EXT1: variants seen among roughly 807,000 people sequenced by gnomAD.
EXT1 encodes the protein exostosin-1.
A neutral mutation model predicts 82.5 loss-of-function variants in EXT1; 20 were observed. The ratio of observed to expected loss-of-function variants is 0.24; its 90% confidence interval spans 0.17 to 0.35. The LOEUF is 0.35. EXT1 is among the 10% of genes least tolerant of loss of function. The pLI is 1.00. For synonymous variants in EXT1, 348 were observed against 350.8 expected (o/e 0.99, Z 0.09); for missense variants, 757 against 936.5 (o/e 0.81, Z 2.50).
intron 4 of EXT1, among the ~76,000 whole-genome samples, chr8:117,826,603 A>C (rs939921900): frequency 6.6e-6 from 1 of 152,048 alleles, no homozygotes; most frequent in Non-Finnish European, 1.5e-5. Flanking sequence ...ATTTCCCCTG[A>C]TTTTTTGATT....
Position 117,797,990 on chromosome 8 carries a change from G to C in EXT1, c.*1722C>G, listed in dbSNP as rs1586986279. On this transcript the variant is annotated 3_prime_UTR_variant, in exon 11 of 11. Transcript: ENST00000378204. ...CTACTCCTTGTTCTGCAGCTAGGTA[G>C]CCTGTTGAGTCACTTCTCTGGACTT... The C allele has an allele frequency of 6.6e-6, 1 of 152,228 alleles. No homozygotes were observed. Among genetic ancestry groups the C allele is most frequent in the Non-Finnish European group, 1.5e-5 (1 of 68,070 alleles). 9.4% of individuals were successfully genotyped at this position (152,228 alleles called of 1,614,324 possible).
chr8:118,005,333 A>G (rs1268939967), intron 1 of EXT1, among the ~76,000 whole-genome samples: 1 of 152,172 alleles, frequency 6.6e-6, no homozygotes, highest in African/African-American at 2.4e-5. Context: ...CTAGGTTCCC[A>G]CCAGTTTCTT....
At chr8:117,839,564 G>A (rs982308332) in intron 1 of EXT1, among the ~76,000 whole-genome samples, 15 of 152,312 alleles carry the variant, frequency 9.8e-5, no homozygotes, top group African/African-American at 3.4e-4. Flanking sequence ...TTAGAACAAT[G>A]ATTTTCATTC....
chr8:117,935,803 A>G (rs1814148997), intron 1 of EXT1, among the ~76,000 whole-genome samples: 1 of 152,128 alleles, frequency 6.6e-6, no homozygotes, highest in Non-Finnish European at 1.5e-5. Flanking sequence ...ACAGACAATC[A>G]CAGGTACAGA....
intron 1 of EXT1, among the ~76,000 whole-genome samples, chr8:117,877,944 T>C (rs947896224): frequency 2.6e-5 from 4 of 152,250 alleles, no homozygotes; most frequent in Non-Finnish European, 4.4e-5. Flanking sequence ...CTATGCCCCT[T>C]GGTGATTTCA....
intron 1 of EXT1, among the ~76,000 whole-genome samples, chr8:117,940,719 T>C (rs923976267): frequency 6.6e-6 from 1 of 152,220 alleles, no homozygotes; most frequent in African/African-American, 2.4e-5. Flanking sequence ...TGAGAATTTC[T>C]GGTCTGGGAA....
At chr8:117,931,113 G>A (rs1814053013) in intron 1 of EXT1, among the ~76,000 whole-genome samples, 1 of 152,146 alleles carries the variant, frequency 6.6e-6, no homozygotes, top group African/African-American at 2.4e-5. Context: ...ACATAATCAA[G>A]AAATAACCAT....
chr8:117,847,531 G>A (rs1283724748), intron 1 of EXT1, among the ~76,000 whole-genome samples: 2 of 152,068 alleles, frequency 1.3e-5, no homozygotes, highest in African/African-American at 4.8e-5. Flanking sequence ...TGCACAGTGC[G>A]GTTCAAACTG....
intron 1 of EXT1, among the ~76,000 whole-genome samples, chr8:117,964,697 G>A (rs1467552784): frequency 1.3e-5 from 2 of 152,038 alleles, no homozygotes; most frequent in African/African-American, 4.8e-5. Flanking sequence ...GAGTGTAGTG[G>A]CATGATCTCA....
chr8:117,981,269 G>A (rs901280905), intron 1 of EXT1, among the ~76,000 whole-genome samples: 3 of 152,152 alleles, frequency 2.0e-5, no homozygotes, highest in African/African-American at 7.2e-5. Flanking sequence ...AATTCAGAAA[G>A]TACAGTAATT....
chr8:117,930,571 T>C (rs1404164126), intron 1 of EXT1, among the ~76,000 whole-genome samples: 1 of 152,184 alleles, frequency 6.6e-6, no homozygotes, highest in African/African-American at 2.4e-5. Flanking sequence ...GAAGAGAGTG[T>C]GATGGTGAAG....
intron 1 of EXT1, among the ~76,000 whole-genome samples, chr8:117,993,324 G>C (rs990958566): frequency 6.6e-6 from 1 of 152,184 alleles, no homozygotes. Context: ...GGAAACACTA[G>C]CATTTCTCCA....
chr8:117,817,941 G>A (rs1486677488), intron 7 of EXT1, among the ~76,000 whole-genome samples: 1 of 152,158 alleles, frequency 6.6e-6, no homozygotes, highest in Non-Finnish European at 1.5e-5. Context: ...AATCTTTACA[G>A]GCAGATGCCA....
intron 1 of EXT1, among the ~76,000 whole-genome samples, chr8:118,073,637 GAGAAGAGAAGAGAAGAGA>G (rs1367065833): frequency 3.3e-5 from 1 of 30,176 alleles, no homozygotes; most frequent in African/African-American, 9.9e-5. Flanking sequence ...AGAGAAAGAA[GAGAAGAGAAGAGAAGAGA>G]AGAGAAGAGA....
chr8:117,815,198 T>C (rs1811783548), intron 7 of EXT1, among the ~76,000 whole-genome samples: 3 of 152,226 alleles, frequency 2.0e-5, no homozygotes, highest in Admixed American at 2.0e-4. Flanking sequence ...AGCACTGCCC[T>C]GACCTTTCCC....
intron 1 of EXT1, among the ~76,000 whole-genome samples, chr8:118,011,768 A>G (rs1467487911): frequency 2.0e-5 from 3 of 152,194 alleles, no homozygotes; most frequent in Admixed American, 1.3e-4. Context: ...CCCCTGTGAC[A>G]TGTCTCCATG....
intron 1 of EXT1, among the ~76,000 whole-genome samples, chr8:118,087,738 G>A (rs1048134755): frequency 6.6e-6 from 1 of 152,082 alleles, no homozygotes; most frequent in African/African-American, 2.4e-5. Flanking sequence ...GGAAGCATTT[G>A]TTCTTATTGT....
At chr8:117,926,364 T>C (rs1359313291) in intron 1 of EXT1, among the ~76,000 whole-genome samples, 1 of 152,220 alleles carries the variant, frequency 6.6e-6, no homozygotes, top group Non-Finnish European at 1.5e-5. Flanking sequence ...TCGAGTGAGT[T>C]CCTTTTAAGA....
chr8:118,079,450 C>T (rs1293043803), intron 1 of EXT1, among the ~76,000 whole-genome samples: 2 of 152,120 alleles, frequency 1.3e-5, no homozygotes, highest in Admixed American at 6.5e-5. Flanking sequence ...GTATGACAGG[C>T]CTAAAACCTG....
Sources: allele counts gnomAD v4.1 joint callset (sites outside exome capture counted in the v4.1 genomes callset), GRCh38; gene constraint gnomAD v4.1.1; transcripts MANE v1.5; gene names NCBI Gene and HGNC (gene_info 2026-07-23, HGNC 2026-07-21).